Variants in RABGAP1 observed in about 807,000 individuals in gnomAD.
RABGAP1 encodes rab GTPase-activating protein 1.
RABGAP1 carries 23 observed loss-of-function variants against 137.6 expected under a neutral mutation model. The observed-to-expected ratio is 0.17, with a 90% CI of 0.12 to 0.24. RABGAP1 has a LOEUF of 0.24. Ranked by LOEUF, RABGAP1 falls within the 10% of genes least tolerant of loss-of-function variation. The probability of loss-of-function intolerance (pLI) is 1.00; values close to 1 mark genes in which losing one functional copy is unlikely to be tolerated. For synonymous variants in RABGAP1, 451 were observed against 450.7 expected (o/e 1.00, Z -0.01); for missense variants, 906 against 1,275.8 (o/e 0.71, Z 4.42).
In RABGAP1 at chr9:123,032,503, G is replaced by A. The variant is rs977772229; in HGVS notation, c.1794+12044G>A. ...GTCTGGGACTGGCCAGACAACTGCT[G>A]CTGCTTCAGATTTAAAATGTAATTC... On this transcript the variant is annotated intron_variant, in intron 13 of 25. Transcript: ENST00000373647. 4.6e-5 allele frequency among the ~76,000 whole-genome samples: 7 copies of A among 152,178 alleles called. No homozygotes were observed. In the South Asian group the frequency reaches 1.4e-3, roughly 32 times the overall value.
intron 1 of RABGAP1, chr9:122,945,917 A>G (rs1833923634): frequency 6.6e-6 from 1 of 152,006 alleles, no homozygotes; most frequent in African/African-American, 2.4e-5. Context: ...TTTGTTTTCC[A>G]TTTTCTGAGG....
chr9:122,996,338 C>G (rs1773070777), intron 7 of RABGAP1, 187 bp downstream of exon 7: 1 of 1,193,272 alleles, frequency 8.4e-7, no homozygotes, highest in Non-Finnish European at 1.1e-6. Context: ...CTAATACGCT[C>G]TCTTCAACTA....
At chr9:123,057,475 C>T (rs2033775289) in intron 13 of RABGAP1, among the ~76,000 whole-genome samples, 1 of 151,496 alleles carries the variant, frequency 6.6e-6, no homozygotes, top group African/African-American at 2.4e-5. Flanking sequence ...CAGAGATGCT[C>T]CTCACTTCCT....
rs751188217 is a variant in RABGAP1, at chr9:122,997,291, G to A, written c.1134G>A (p.Ser378=). ...TGGGCAAAAGTTCAGATGGAAAGTC[G>A]TATGTTATTACGGGGAGCTGGAATC... The part of the protein sequence containing the change: ...ESMGKSSDGK[S]YVITGSWNPK... Residue 378 remains serine (S), a synonymous_variant, in exon 9 of 26, where the codon TCG becomes TCA. Transcript: ENST00000373647. 1.2e-5 allele frequency: 19 copies of A among 1,610,068 alleles called. No individual in the cohort carries two copies. The highest frequency in any genetic ancestry group is 1.6e-4 in the Middle Eastern group (1 of 6,068).
intron 21 of RABGAP1, among the ~76,000 whole-genome samples, chr9:123,090,642 G>A (rs1445937179): frequency 2.0e-5 from 3 of 152,158 alleles, no homozygotes; most frequent in Non-Finnish European, 4.4e-5. Flanking sequence ...ATTTGATTAA[G>A]AGACCTTGTG....
At chr9:123,060,148 G>A (rs1564169017) in intron 13 of RABGAP1, among the ~76,000 whole-genome samples, 2 of 152,212 alleles carry the variant, frequency 1.3e-5, no homozygotes, top group African/African-American at 4.8e-5. Flanking sequence ...TTTTGTGAGT[G>A]TAGTATAATT....
intron 1 of RABGAP1, among the ~76,000 whole-genome samples, chr9:122,945,150 T>C (rs1833879241): frequency 7.2e-6 from 1 of 138,182 alleles, no homozygotes; most frequent in East Asian, 2.0e-4. Flanking sequence ...GCTGTTGCTT[T>C]TTTTTTTTTT....
intron 13 of RABGAP1, among the ~76,000 whole-genome samples, chr9:123,045,661 A>T (rs1330457344): frequency 1.3e-5 from 2 of 152,188 alleles, no homozygotes; most frequent in Non-Finnish European, 2.9e-5. Context: ...TTGGTTTAAG[A>T]TCAGTTGCAT....
At chr9:123,029,307 T>G (rs1173432004) in intron 13 of RABGAP1, 6 of 626,444 alleles carry the variant, frequency 9.6e-6, no homozygotes, top group Non-Finnish European at 1.7e-5. Flanking sequence ...TTAATCAATG[T>G]TTAAAGCTCA....
chr9:123,087,345 G>GC (rs1018743345), intron 19 of RABGAP1, among the ~76,000 whole-genome samples: 6 of 151,242 alleles, frequency 4.0e-5, no homozygotes, highest in Non-Finnish European at 7.4e-5. Flanking sequence ...GTGTCAATTT[G>GC]TTTTTTTTTA....
intron 13 of RABGAP1, among the ~76,000 whole-genome samples, chr9:123,030,080 A>G (rs904110397): frequency 6.6e-6 from 1 of 152,206 alleles, no homozygotes; most frequent in South Asian, 2.1e-4. Context: ...AGGTTGAACC[A>G]TATAGAAATT....
At chr9:122,956,045 T>G (rs755405848) in intron 1 of RABGAP1, among the ~76,000 whole-genome samples, 21 of 152,222 alleles carry the variant, frequency 1.4e-4, no homozygotes, top group Non-Finnish European at 3.1e-4. Flanking sequence ...ACTCAATAAA[T>G]AATTGAATGA....
At chr9:123,015,846 G>A (rs2031184477) in intron 12 of RABGAP1, among the ~76,000 whole-genome samples, 2 of 152,210 alleles carry the variant, frequency 1.3e-5, no homozygotes, top group South Asian at 4.2e-4. Flanking sequence ...TCTCATTGCT[G>A]GAGAAAATAT....
At chr9:123,089,944 T>C in intron 20 of RABGAP1, 94 bp downstream of exon 20, 1 of 1,135,358 alleles carries the variant, frequency 8.8e-7, no homozygotes, top group East Asian at 2.6e-5. Flanking sequence ...CTTTTTAAAA[T>C]TCAATTCCTC....
intron 13 of RABGAP1, among the ~76,000 whole-genome samples, chr9:123,064,575 A>G (rs552757752): frequency 1.3e-5 from 2 of 152,352 alleles, no homozygotes; most frequent in East Asian, 1.9e-4. Flanking sequence ...TGTCTTAGCT[A>G]TGAAGACACT....
At chr9:123,075,853 G>T (rs2034492187) in intron 17 of RABGAP1, among the ~76,000 whole-genome samples, 2 of 152,168 alleles carry the variant, frequency 1.3e-5, no homozygotes, top group South Asian at 4.1e-4. Context: ...ATTCAGTTCT[G>T]GAATATAGGG....
intron 10 of RABGAP1, among the ~76,000 whole-genome samples, chr9:123,005,324 T>C (rs1314761451): frequency 6.6e-6 from 1 of 151,362 alleles, no homozygotes; most frequent in African/African-American, 2.4e-5. Flanking sequence ...ATATATAAAA[T>C]ACTTATAAAT....
At chr9:122,979,308 T>C (rs916597530) in intron 2 of RABGAP1, among the ~76,000 whole-genome samples, 2 of 152,210 alleles carry the variant, frequency 1.3e-5, no homozygotes, top group African/African-American at 4.8e-5. Context: ...TGTGTATCTT[T>C]GGTGAAATGC....
At chr9:123,016,294 C>A (rs533957685) in intron 12 of RABGAP1, among the ~76,000 whole-genome samples, 4 of 151,952 alleles carry the variant, frequency 2.6e-5, no homozygotes, top group Admixed American at 2.6e-4. Flanking sequence ...ATTGCTTGAG[C>A]CCAGGAATTC....
Sources: gnomAD v4.1 joint callset for allele counts (sites outside exome capture counted in the v4.1 genomes callset) on GRCh38, gnomAD v4.1.1 for gene constraint, MANE v1.5 for transcripts, NCBI Gene and HGNC (gene_info 2026-07-23, HGNC 2026-07-21) for gene names.